The following RAB11FIP4 variants were observed in gnomAD, a reference collection of about 807,000 sequenced individuals.
RAB11FIP4 encodes the protein RAB11 family interacting protein 4, also known as rab11 family-interacting protein 4.
A neutral mutation model predicts 74.3 loss-of-function variants in RAB11FIP4; 23 were observed. That is an observed-to-expected ratio of 0.31 (90% CI 0.22 to 0.44). The LOEUF is 0.44. Ranked by LOEUF, RAB11FIP4 falls within the 20% of genes least tolerant of loss-of-function variation. The pLI, the probability that RAB11FIP4 is intolerant of heterozygous loss-of-function variation, is 1.00. For missense variants in RAB11FIP4, 630 were observed against 863.9 expected (o/e 0.73, Z 3.39); for synonymous variants, 360 against 359.9 (o/e 1.00, Z 0.00).
At chr17:31,521,836 A>T (rs1177244013) in intron 5 of RAB11FIP4, 79 bp from the exon 6 acceptor site, 14 of 1,565,820 alleles carry the variant, frequency 8.9e-6, no homozygotes, top group Middle Eastern at 1.7e-4. Context: ...GGACTCAAGT[A>T]AAGTCAGCTC....
intron 3 of RAB11FIP4, among the ~76,000 whole-genome samples, chr17:31,459,600 G>T (rs183095084): frequency 6.6e-6 from 1 of 152,094 alleles, no homozygotes; most frequent in African/African-American, 2.4e-5. Flanking sequence ...ACGCCTGATG[G>T]GTTAACTCAG....
intron 1 of RAB11FIP4, among the ~76,000 whole-genome samples, chr17:31,426,925 G>A (rs1430276158): frequency 6.6e-6 from 1 of 151,720 alleles, no homozygotes; most frequent in African/African-American, 2.4e-5. Context: ...TTTCTAAAGG[G>A]CAGGACATCA....
chr17:31,414,314 G>A (rs954617920), intron 1 of RAB11FIP4, among the ~76,000 whole-genome samples: 1 of 152,228 alleles, frequency 6.6e-6, no homozygotes, highest in African/African-American at 2.4e-5. Flanking sequence ...CAGGACATCT[G>A]TTCCTTCCCT....
chr17:31,491,541 C>G (rs1159296629), intron 3 of RAB11FIP4, among the ~76,000 whole-genome samples: 1 of 152,112 alleles, frequency 6.6e-6, no homozygotes, highest in Non-Finnish European at 1.5e-5. Context: ...GAAAGAGGTT[C>G]AGGCAGAGAA....
intron 3 of RAB11FIP4, among the ~76,000 whole-genome samples, chr17:31,452,918 A>G (rs2142705388): frequency 6.6e-6 from 1 of 152,290 alleles, no homozygotes; most frequent in South Asian, 2.1e-4. Flanking sequence ...AGTCAGGCCC[A>G]GTTCATTGCC....
At position 31,391,720 on chromosome 17, in the gene RAB11FIP4, G is replaced by A. The variant is rs1370312589; in HGVS notation, c.-133G>A. ...GCCGCTGCTGACACGGATCGGCCGCGGCCGCCACCGGGCGGAGGCTGCGCG... is the reference window on the plus strand; with the variant it reads ...GCCGCTGCTGACACGGATCGGCCGCAGCCGCCACCGGGCGGAGGCTGCGCG... On this transcript the variant is annotated 5_prime_UTR_variant, in exon 1 of 15. Coordinates refer to ENST00000621161, the MANE Select transcript of RAB11FIP4 (RefSeq NM_032932.6). The A allele has an allele frequency of 3.2e-6, 2 of 628,188 alleles. No homozygotes were observed. Among genetic ancestry groups the A allele is most frequent in the Non-Finnish European group, 4.0e-6 (2 of 505,420 alleles). The allele number at this position is 628,188 out of a possible 1,614,324, so 38.9% of individuals were successfully genotyped here. A position where few individuals can be genotyped will look rare whatever the true frequency, so the allele number is the denominator to read the frequency against.
intron 3 of RAB11FIP4, among the ~76,000 whole-genome samples, chr17:31,443,881 C>T (rs1350531464): frequency 6.6e-6 from 1 of 152,238 alleles, no homozygotes; most frequent in Admixed American, 6.5e-5. Flanking sequence ...TGCCACTGCA[C>T]TCCAGGCTGG....
chr17:31,504,117 T>C (rs1000093376), intron 3 of RAB11FIP4, among the ~76,000 whole-genome samples: 1 of 148,530 alleles, frequency 6.7e-6, no homozygotes, highest in Non-Finnish European at 1.5e-5. Flanking sequence ...TTCCATATAA[T>C]GTTTACTACT....
intron 3 of RAB11FIP4, among the ~76,000 whole-genome samples, chr17:31,475,924 T>G (rs1479191268): frequency 1.3e-5 from 2 of 152,122 alleles, no homozygotes; most frequent in Non-Finnish European, 2.9e-5. Context: ...AGATAAGCTT[T>G]GCCCAGGCAT....
chr17:31,506,554 C>G (rs985153756), intron 3 of RAB11FIP4, among the ~76,000 whole-genome samples: 4 of 152,230 alleles, frequency 2.6e-5, no homozygotes, highest in African/African-American at 9.6e-5. Context: ...CTCCTACCCT[C>G]TCCAGCCTCT....
intron 3 of RAB11FIP4, among the ~76,000 whole-genome samples, chr17:31,434,815 C>T (rs1415851913): frequency 2.0e-5 from 3 of 152,222 alleles, no homozygotes; most frequent in Admixed American, 6.5e-5. Context: ...GCAGAGCTTC[C>T]GCACCTTCGC....
chr17:31,416,202 G>A (rs2071146548), intron 1 of RAB11FIP4, among the ~76,000 whole-genome samples: 1 of 152,170 alleles, frequency 6.6e-6, no homozygotes, highest in South Asian at 2.1e-4. Flanking sequence ...ACTAATTGCG[G>A]AGCTGGTCCT....
intron 3 of RAB11FIP4, among the ~76,000 whole-genome samples, chr17:31,496,867 G>A (rs898125262): frequency 3.9e-5 from 6 of 152,188 alleles, no homozygotes; most frequent in Admixed American, 2.6e-4. Flanking sequence ...ATGTCGCATC[G>A]CTGAGAGCAT....
chr17:31,510,735 A>C (rs1014765116), intron 3 of RAB11FIP4, among the ~76,000 whole-genome samples: 2 of 152,116 alleles, frequency 1.3e-5, no homozygotes, highest in African/African-American at 4.8e-5. Flanking sequence ...TCCTGCAGCC[A>C]AAAAAACCCA....
rs1014167139 is a variant in RAB11FIP4, at chr17:31,488,058, C to T, written c.337-29593C>T. 3.9e-6 allele frequency: 4 copies of T among 1,015,966 alleles called. No homozygotes were observed. The African/African-American group carries it at 6.9e-5, about 18-fold the overall frequency. 62.9% of individuals were successfully genotyped at this position (1,015,966 alleles called of 1,614,324 possible). A position where few individuals can be genotyped will look rare whatever the true frequency, so the allele number is the denominator to read the frequency against. On this transcript the variant is annotated intron_variant, in intron 3 of 14. Coordinates refer to ENST00000621161, the MANE Select transcript of RAB11FIP4 (RefSeq NM_032932.6). Reference sequence around the variant, plus strand: ...CCGCAGCTTGATACAAAGAGCCCTTCGGCCCACGCGGGTCTCCCGGCAACG... The same window carrying T: ...CCGCAGCTTGATACAAAGAGCCCTTTGGCCCACGCGGGTCTCCCGGCAACG...
In RAB11FIP4 at chr17:31,517,890, C is replaced by T. The variant is rs1361647756; in HGVS notation, c.563+13C>T. On this transcript the variant is annotated intron_variant, in intron 4 of 14. Transcript: ENST00000621161. ...TGCCAGAAGACAAGTGAGTTAAAAC[C>T]ACCTGAAGCTCCATATTTGCCCTCT... 12 of 1,543,574 alleles carry T rather than the reference C, an allele frequency of 7.8e-6. No individual in the cohort carries two copies. Among genetic ancestry groups the T allele is most frequent in the African/African-American group, 6.9e-5 (5 of 72,858 alleles).
chr17:31,429,571 A>C (rs1481255905), intron 1 of RAB11FIP4, among the ~76,000 whole-genome samples: 4 of 152,366 alleles, frequency 2.6e-5, no homozygotes, highest in Middle Eastern at 3.4e-3. Context: ...TCACGCCTGT[A>C]ATCCAAGCAC....
At chr17:31,404,864 G>T (rs928473250) in intron 1 of RAB11FIP4, among the ~76,000 whole-genome samples, 1 of 152,132 alleles carries the variant, frequency 6.6e-6, no homozygotes, top group African/African-American at 2.4e-5. Flanking sequence ...TTCAGAAATG[G>T]ATGGCGGGGC....
chr17:31,483,108 G>A (rs571849095), intron 3 of RAB11FIP4, among the ~76,000 whole-genome samples: 9 of 144,148 alleles, frequency 6.2e-5, no homozygotes, highest in East Asian at 2.1e-4. Flanking sequence ...CAGGAGAATC[G>A]CTTGAACCCT....
Sources: gnomAD v4.1 joint callset for allele counts (sites outside exome capture counted in the v4.1 genomes callset) on GRCh38, gnomAD v4.1.1 for gene constraint, MANE v1.5 for transcripts, NCBI Gene and HGNC (gene_info 2026-07-23, HGNC 2026-07-21) for gene names.